TLN2: variants seen among roughly 807,000 people sequenced by gnomAD.
The protein encoded by TLN2 is talin 2.
TLN2 carries 118 observed loss-of-function variants against 294.7 expected under a neutral mutation model. That is an observed-to-expected ratio of 0.40 (90% CI 0.34 to 0.47). The LOEUF (loss-of-function observed/expected upper bound fraction) is 0.47. Among genes scored for constraint, TLN2 ranks in the 20% least tolerant of loss-of-function variants. The pLI is 0.84. For synonymous variants in TLN2, 1,431 were observed against 1,304.5 expected (o/e 1.10, Z -2.09); for missense variants, 3,083 against 3,282.2 (o/e 0.94, Z 1.48).
At chr15:62,554,130 A>AT (rs1567091297) in intron 1 of TLN2, among the ~76,000 whole-genome samples, 1 of 151,906 alleles carries the variant, frequency 6.6e-6, no homozygotes, top group Non-Finnish European at 1.5e-5. Context: ...AATCTAAATT[A>AT]TTACAACAGT....
chr15:62,582,186 G>A (rs2045111971), intron 1 of TLN2, among the ~76,000 whole-genome samples: 1 of 71,738 alleles, frequency 1.4e-5, no homozygotes, highest in East Asian at 5.3e-4. Flanking sequence ...TTCAGTGCAT[G>A]TGTATGCATA....
At chr15:62,482,594 CGTT>C (rs1396432146) in intron 1 of TLN2, among the ~76,000 whole-genome samples, 1 of 103,750 alleles carries the variant, frequency 9.6e-6, no homozygotes, top group Non-Finnish European at 1.8e-5. Flanking sequence ...AAGAGTAAAA[CGTT>C]GTCTCAAAAA....
intron 1 of TLN2, among the ~76,000 whole-genome samples, chr15:62,496,976 A>C (rs997438642): frequency 2.6e-5 from 4 of 152,198 alleles, no homozygotes; most frequent in Admixed American, 2.6e-4. Context: ...AGTAGTCTCC[A>C]GTCGTGCCTC....
At chr15:62,752,104 T>G (rs2140998093) in intron 34 of TLN2, among the ~76,000 whole-genome samples, 1 of 152,298 alleles carries the variant, frequency 6.6e-6, no homozygotes, top group East Asian at 1.9e-4. Flanking sequence ...AACTTTGGGG[T>G]TATACTTTCA....
chr15:62,791,578 A>T (rs1048828493), intron 45 of TLN2, among the ~76,000 whole-genome samples: 2 of 152,166 alleles, frequency 1.3e-5, no homozygotes, highest in African/African-American at 4.8e-5. Flanking sequence ...GACTAATGAG[A>T]TGGTATTGGA....
chr15:62,557,354 A>T (rs1596117548), intron 1 of TLN2, among the ~76,000 whole-genome samples: 1 of 152,310 alleles, frequency 6.6e-6, no homozygotes, highest in East Asian at 1.9e-4. Context: ...GGCCGCATGG[A>T]AACAGTGAAT....
chr15:62,552,754 G>A (rs1273618845), intron 1 of TLN2, among the ~76,000 whole-genome samples: 3 of 152,142 alleles, frequency 2.0e-5, no homozygotes, highest in East Asian at 3.8e-4. Context: ...ATTAAAGAAG[G>A]CTCTTTAAAT....
chr15:62,619,524 C>G (rs1042882948), intron 3 of TLN2, among the ~76,000 whole-genome samples: 1 of 152,170 alleles, frequency 6.6e-6, no homozygotes, highest in African/African-American at 2.4e-5. Context: ...CCACCTGCCC[C>G]CCTGCCAAAA....
chr15:62,582,235 CACACACA>C (rs2045157936), intron 1 of TLN2, among the ~76,000 whole-genome samples: 3 of 140,192 alleles, frequency 2.1e-5, no homozygotes, highest in African/African-American at 7.6e-5. Flanking sequence ...CACACACACA[CACACACA>C]CACACATTCA....
At chr15:62,705,465 T>C (rs1251454237) in intron 19 of TLN2, among the ~76,000 whole-genome samples, 1 of 152,228 alleles carries the variant, frequency 6.6e-6, no homozygotes, top group Non-Finnish European at 1.5e-5. Context: ...TCAGCAGCTA[T>C]AGCTGTAGTA....
intron 38 of TLN2, 137 bp from the exon 39 acceptor site, chr15:62,762,135 C>T (rs1336627747): frequency 1.9e-6 from 2 of 1,069,994 alleles, no homozygotes. Flanking sequence ...GTAATCCAGT[C>T]TTCATGGTTC....
At chr15:62,670,994 G>A (rs1351358322) in intron 9 of TLN2, among the ~76,000 whole-genome samples, 1 of 152,136 alleles carries the variant, frequency 6.6e-6, no homozygotes, top group African/African-American at 2.4e-5. Context: ...GTATGTATTG[G>A]TATCACATTG....
chr15:62,773,070 T>C (rs1041215856), intron 42 of TLN2, among the ~76,000 whole-genome samples: 3 of 152,062 alleles, frequency 2.0e-5, no homozygotes, highest in African/African-American at 7.2e-5. Flanking sequence ...ACTTCTGCTT[T>C]CTGGTAAAGC....
chr15:62,722,719 T>C (rs1236064488), intron 26 of TLN2, among the ~76,000 whole-genome samples: 3 of 152,188 alleles, frequency 2.0e-5, no homozygotes, highest in African/African-American at 7.2e-5. Context: ...CTATTTTGAG[T>C]TGTGTACTTC....
At chr15:62,781,281 C>G (rs1045287986) in intron 44 of TLN2, 40 bp downstream of exon 44, 8 of 1,533,838 alleles carry the variant, frequency 5.2e-6, no homozygotes, top group Admixed American at 1.7e-5. Flanking sequence ...TGTTGTTTGC[C>G]TTTTTATCCA....
At chr15:62,510,408 T>C (rs978308407) in intron 1 of TLN2, among the ~76,000 whole-genome samples, 2 of 152,246 alleles carry the variant, frequency 1.3e-5, no homozygotes, top group Non-Finnish European at 1.5e-5. Context: ...AGCTGTAAAA[T>C]GGTGCTTACC....
intron 9 of TLN2, among the ~76,000 whole-genome samples, chr15:62,667,418 A>C (rs965968119): frequency 6.6e-6 from 1 of 152,152 alleles, no homozygotes; most frequent in Non-Finnish European, 1.5e-5. Context: ...GTGTTCCAGC[A>C]TCCTTTGGGT....
intron 1 of TLN2, among the ~76,000 whole-genome samples, chr15:62,428,510 G>T (rs1008346935): frequency 3.9e-5 from 6 of 152,226 alleles, no homozygotes; most frequent in Non-Finnish European, 5.9e-5. Context: ...AGCACGTGAA[G>T]CCACGTGCCT....
chr15:62,515,085 A>G (rs1250922847), intron 1 of TLN2, among the ~76,000 whole-genome samples: 2 of 152,176 alleles, frequency 1.3e-5, no homozygotes, highest in East Asian at 1.9e-4. Context: ...GCTAGAGAAG[A>G]TCTAAGGCCC....
Sources: allele counts gnomAD v4.1 joint callset (sites outside exome capture counted in the v4.1 genomes callset), GRCh38; gene constraint gnomAD v4.1.1; transcripts MANE v1.5; gene names NCBI Gene and HGNC (gene_info 2026-07-23, HGNC 2026-07-21).